The following ASCC3 variants were observed in gnomAD, a reference collection of about 807,000 sequenced individuals.
ASCC3 encodes activating signal cointegrator 1 complex subunit 3.
ASCC3 carries 158 observed loss-of-function variants against 256.3 expected under a neutral mutation model. The ratio of observed to expected loss-of-function variants is 0.62; its 90% CI spans 0.54 to 0.70. The LOEUF (loss-of-function observed/expected upper bound fraction) is 0.70. Among genes scored for constraint, ASCC3 ranks in the 30% least tolerant of loss-of-function variants. The pLI, the probability that ASCC3 is intolerant of heterozygous loss-of-function variation, is 0.00. For synonymous variants in ASCC3, 948 were observed against 883.4 expected (o/e 1.07, Z -1.30); for missense variants, 2,259 against 2,626.0 (o/e 0.86, Z 3.05).
chr6:100,517,005 AG>A (rs1774062465), intron 38 of ASCC3, among the ~76,000 whole-genome samples: 1 of 152,002 alleles, frequency 6.6e-6, no homozygotes, highest in Non-Finnish European at 1.5e-5. Flanking sequence ...CCATACTGGA[AG>A]GGCTCCTGAA....
Position 100,629,161 on chromosome 6 carries a change from TC to T in ASCC3, c.4228del (p.Asp1410MetfsTer2). The T allele has an allele frequency of 1.4e-5, 22 of 1,613,510 alleles. No homozygotes were observed. The highest frequency in any genetic ancestry group is 1.9e-5 in the Non-Finnish European group (22 of 1,179,646). On this transcript the variant is annotated frameshift_variant, in exon 27 of 42. Coordinates refer to ENST00000369162, the MANE Select transcript of ASCC3 (RefSeq NM_006828.4). ...LGKKVIELTG[D>X]VTPDMKSIAK... is the part of the protein sequence containing the mutation. ...AATGGATTTCATATCAGGAGTCACA[TC>T]CCCTGTTAGTTCAATAACTCTGGAG...
intron 13 of ASCC3, among the ~76,000 whole-genome samples, chr6:100,684,420 T>TCCAGA (rs1464123557): frequency 6.6e-6 from 1 of 152,152 alleles, no homozygotes; most frequent in African/African-American, 2.4e-5. Flanking sequence ...CCAATCCCCT[T>TCCAGA]CCTGACTATA....
intron 4 of ASCC3, among the ~76,000 whole-genome samples, chr6:100,832,574 A>G (rs1771674323): frequency 6.6e-6 from 1 of 152,102 alleles, no homozygotes; most frequent in African/African-American, 2.4e-5. Context: ...AATCATTTTT[A>G]ACTTAAAAGA....
intron 8 of ASCC3, among the ~76,000 whole-genome samples, chr6:100,781,676 C>T (rs529366228): frequency 1.3e-5 from 2 of 151,974 alleles, no homozygotes; most frequent in African/African-American, 4.8e-5. Context: ...GTGTGAGCCA[C>T]CGCGCCCGGC....
chr6:100,610,361 A>G (rs1773332280), intron 30 of ASCC3, among the ~76,000 whole-genome samples: 1 of 152,182 alleles, frequency 6.6e-6, no homozygotes, highest in African/African-American at 2.4e-5. Flanking sequence ...GTAAAAATGT[A>G]TGAAAATATC....
At chr6:100,774,316 G>A (rs1272621401) in intron 8 of ASCC3, among the ~76,000 whole-genome samples, 1 of 151,880 alleles carries the variant, frequency 6.6e-6, no homozygotes, top group Non-Finnish European at 1.5e-5. Flanking sequence ...TCAGACATGT[G>A]CATGTACATG....
At chr6:100,745,952 GAC>G (rs1780648386) in intron 10 of ASCC3, among the ~76,000 whole-genome samples, 1 of 151,596 alleles carries the variant, frequency 6.6e-6, no homozygotes, top group Admixed American at 6.6e-5. Context: ...TATATCTATC[GAC>G]ATAGATAGGC....
chr6:100,724,340 T>C (rs1779521502), intron 11 of ASCC3, among the ~76,000 whole-genome samples: 1 of 151,814 alleles, frequency 6.6e-6, no homozygotes, highest in African/African-American at 2.4e-5. Flanking sequence ...AAAAACATTT[T>C]ATTACTTATG....
intron 30 of ASCC3, among the ~76,000 whole-genome samples, chr6:100,608,919 A>G (rs918042279): frequency 5.5e-5 from 8 of 146,684 alleles, no homozygotes; most frequent in Admixed American, 2.1e-4. Flanking sequence ...GCCCGCCAAC[A>G]TGCCCGTCTA....
intron 36 of ASCC3, among the ~76,000 whole-genome samples, 164 bp from the exon 37 acceptor site, chr6:100,540,551 T>C (rs916537717): frequency 5.3e-5 from 8 of 151,774 alleles, no homozygotes; most frequent in Admixed American, 4.6e-4. Context: ...AGCAATGTAT[T>C]AATGATAGTG....
At chr6:100,780,324 A>G (rs998279033) in intron 8 of ASCC3, among the ~76,000 whole-genome samples, 1 of 152,216 alleles carries the variant, frequency 6.6e-6, no homozygotes, top group Non-Finnish European at 1.5e-5. Context: ...ATGCTCATAA[A>G]TTGATAAATA....
chr6:100,554,468 A>G (rs1769466227), intron 36 of ASCC3, among the ~76,000 whole-genome samples: 1 of 152,194 alleles, frequency 6.6e-6, no homozygotes, highest in East Asian at 1.9e-4. Context: ...GCACTTGTAC[A>G]GTGGGGATGG....
rs78561957 is a variant in ASCC3 at position 100,556,914 on chromosome 6, T to C, written c.5551-16527A>G. Among the ~76,000 whole-genome samples, 1,864 of 152,006 alleles carry C rather than the reference T, an allele frequency of 0.012. 84 individuals carry two copies. In the East Asian group the frequency reaches 0.14, roughly 12 times the overall value. On this transcript the variant is annotated intron_variant, in intron 36 of 41. Transcript: ENST00000369162. Reference sequence around the variant, plus strand: ...AAGGCAGCTGGTTTAATATGTGAAATTGGGGAGCAGAGAGGGAGGAGCCAA... The same window carrying C: ...AAGGCAGCTGGTTTAATATGTGAAACTGGGGAGCAGAGAGGGAGGAGCCAA...
At chr6:100,755,249 T>C (rs886600386) in intron 10 of ASCC3, among the ~76,000 whole-genome samples, 2 of 152,322 alleles carry the variant, frequency 1.3e-5, no homozygotes, top group East Asian at 3.9e-4. Context: ...TATGAAAGAA[T>C]GGATCTGTGT....
At chr6:100,783,806 TA>T (rs1782559835) in intron 8 of ASCC3, among the ~76,000 whole-genome samples, 1 of 152,218 alleles carries the variant, frequency 6.6e-6, no homozygotes, top group Admixed American at 6.5e-5. Flanking sequence ...ATTTGGCAAG[TA>T]AACTGTTCAC....
At chr6:100,779,258 ATATTT>A (rs1220133166) in intron 8 of ASCC3, among the ~76,000 whole-genome samples, 2 of 152,074 alleles carry the variant, frequency 1.3e-5, no homozygotes. Flanking sequence ...ATACAAAATT[ATATTT>A]TATTTTATTT....
At chr6:100,562,758 A>T (rs1770023525) in intron 36 of ASCC3, among the ~76,000 whole-genome samples, 1 of 152,216 alleles carries the variant, frequency 6.6e-6, no homozygotes, top group East Asian at 1.9e-4. Context: ...CTTAGGATCA[A>T]TTCCTAAAAA....
At chr6:100,615,001 A>ATT (rs1169677657) in intron 30 of ASCC3, among the ~76,000 whole-genome samples, 1 of 148,750 alleles carries the variant, frequency 6.7e-6, no homozygotes, top group African/African-American at 2.5e-5. Flanking sequence ...ACTAATTTTT[A>ATT]TTTTTTTTTT....
intron 3 of ASCC3, among the ~76,000 whole-genome samples, chr6:100,855,677 C>T (rs1177402388): frequency 6.6e-6 from 1 of 152,200 alleles, no homozygotes; most frequent in East Asian, 1.9e-4. Flanking sequence ...TGAACCAGTA[C>T]ATCACTGGAC....
Sources: gnomAD v4.1 joint callset for allele counts (sites outside exome capture counted in the v4.1 genomes callset) on GRCh38, gnomAD v4.1.1 for gene constraint, MANE v1.5 for transcripts, NCBI Gene and HGNC (gene_info 2026-07-23, HGNC 2026-07-21) for gene names.